POLR2M: variants seen among roughly 807,000 people sequenced by gnomAD.
The protein encoded by POLR2M is protein GRINL1A.
In POLR2M, 30 loss-of-function variants were observed where a neutral mutation model predicts 34.6. That is an observed-to-expected ratio of 0.87 (90% CI 0.65 to 1.18). POLR2M has a LOEUF of 1.18. Among genes scored for constraint, POLR2M ranks in the 50% most tolerant of loss-of-function variants. The pLI is 0.00. For missense variants in POLR2M, 432 were observed against 448.7 expected (o/e 0.96, Z 0.34); for synonymous variants, 150 against 166.7 (o/e 0.90, Z 0.77).
At chr15:57,707,099 A>C in intron 1 of POLR2M, 144 bp downstream of exon 1, 1 of 1,547,758 alleles carries the variant, frequency 6.5e-7, no homozygotes, top group Non-Finnish European at 8.7e-7. Context: ...GGGCGAGTGG[A>C]CGGAGGGCTT....
At position 57,715,625 on chromosome 15, in the gene POLR2M, T is replaced by C. The variant is rs1303769457; in HGVS notation, c.*946T>C. 2.0e-5 allele frequency: 3 copies of C among 151,848 alleles called. No individual in the cohort carries two copies. The highest frequency in any genetic ancestry group is 7.2e-5 in the African/African-American group (3 of 41,414). The allele number at this position is 151,848 out of a possible 1,614,324, so 9.4% of individuals were successfully genotyped here. ...AATTGAATTGTCAGTACTTTACTTT[T>C]TTCCCCCCAAATAGGTATATATAGA... is the stretch of plus-strand genomic sequence containing the variant. On this transcript the variant is annotated 3_prime_UTR_variant, in exon 4 of 4. Transcript: ENST00000299638.
rs2040921099 is a variant in POLR2M, at chr15:57,715,874, G to C, written c.*1195G>C. The stretch of plus-strand genomic sequence containing the variant: ...CAACTTTTTCCTTTCGAAAAAGACT[G>C]TTCACATTTGCTTCCAGGTGTAATT... On this transcript the variant is annotated 3_prime_UTR_variant, in exon 4 of 4. Coordinates refer to ENST00000299638, the MANE Select transcript of POLR2M (RefSeq NM_015532.5). 1 of 152,180 alleles carries C rather than the reference G, an allele frequency of 6.6e-6. No individual in the cohort carries two copies. Among genetic ancestry groups the C allele is most frequent in the Admixed American group, 6.5e-5 (1 of 15,288 alleles). The allele number at this position is 152,180 out of a possible 1,614,324, so 9.4% of individuals were successfully genotyped here. A position where few individuals can be genotyped will look rare whatever the true frequency, so the allele number is the denominator to read the frequency against.
chr15:57,712,306 T>C, intron 3 of POLR2M, 118 bp downstream of exon 3: 1 of 1,203,330 alleles, frequency 8.3e-7, no homozygotes, highest in Non-Finnish European at 1.2e-6. Context: ...TTCCATGAGC[T>C]CAGATCTATG....
chr15:57,707,170 T>G, intron 1 of POLR2M: 2 of 1,497,988 alleles, frequency 1.3e-6, no homozygotes, highest in Non-Finnish European at 1.8e-6. Context: ...ATAGCTCGGA[T>G]TGAACGGCTA....
chr15:57,706,797 G>A lies in POLR2M; in HGVS notation c.-46G>A, dbSNP rs1211105831. On this transcript the variant is annotated 5_prime_UTR_variant, in exon 1 of 4. Coordinates refer to ENST00000299638, the MANE Select transcript of POLR2M (RefSeq NM_015532.5). The stretch of plus-strand genomic sequence containing the variant: ...TCCGGCGCTAGTAGCGGGGCCTGCC[G>A]AGGAAGCCGAGTGCCCGCCGCCGCG... 1.9e-5 allele frequency: 29 copies of A among 1,538,924 alleles called. No individual in the cohort carries two copies. Among genetic ancestry groups the A allele is most frequent in the Non-Finnish European group, 2.5e-5 (29 of 1,138,130 alleles).
intron 1 of POLR2M, among the ~76,000 whole-genome samples, chr15:57,707,728 G>A (rs1595980815): frequency 6.6e-6 from 1 of 152,160 alleles, no homozygotes; most frequent in Non-Finnish European, 1.5e-5. Flanking sequence ...TTTTACTTAG[G>A]GTGTGCAGAG....
rs1254516468 is a variant in POLR2M, at chr15:57,714,513, G to T, written c.964-23G>T. The T allele has an allele frequency of 2.5e-6, 4 of 1,611,428 alleles. No homozygotes were observed. The Admixed American group carries it at 5.1e-5, about 20-fold the overall frequency. On this transcript the variant is annotated intron_variant, in intron 3 of 3. Transcript: ENST00000299638. The stretch of plus-strand genomic sequence containing the variant: ...GGAAGAGATGTGAACGTGTAACTTT[G>T]TGCTTTGCTCTTTGTTTTAAAGGAG...
intron 2 of POLR2M, 30 bp from the exon 3 acceptor site, chr15:57,711,954 A>C: frequency 6.2e-7 from 1 of 1,612,182 alleles, no homozygotes; most frequent in Non-Finnish European, 8.5e-7. Context: ...AAATAATCTG[A>C]TTGTATAACA....
Position 57,708,897 on chromosome 15 carries a change from C to G in POLR2M, c.297C>G (p.Ala99=). The G allele has an allele frequency of 1.2e-6, 2 of 1,613,926 alleles. No homozygotes were observed. Among genetic ancestry groups the G allele is most frequent in the Non-Finnish European group, 1.7e-6 (2 of 1,179,922 alleles). ...AAGTTGATGTGGGTACAGATAAGGC[C>G]CAGAATTCTGACCCGATACTTGATA... ...IAEVDVGTDK[A]QNSDPILDTS... The change falls in exon 2 of 4, where the codon GCC becomes GCG. Residue 99 remains alanine (A), a synonymous_variant. Transcript: ENST00000299638.
Position 57,717,545 on chromosome 15 carries a change from G to A in POLR2M, c.*2866G>A, listed in dbSNP as rs572868492. ...CTCACTTTTGACTTATATAAAAATAGAATAATACTATATGTCGTGTTTGGT... is the reference window on the plus strand; with the variant it reads ...CTCACTTTTGACTTATATAAAAATAAAATAATACTATATGTCGTGTTTGGT... On this transcript the variant is annotated 3_prime_UTR_variant, in exon 4 of 4. Transcript: ENST00000299638. The A allele has an allele frequency of 2.6e-5, 4 of 152,294 alleles. No individual in the cohort carries two copies. In the South Asian group the frequency reaches 6.2e-4, roughly 24 times the overall value. The allele number at this position is 152,294 out of a possible 1,614,324, so 9.4% of individuals were successfully genotyped here. A position where few individuals can be genotyped will look rare whatever the true frequency, so the allele number is the denominator to read the frequency against.
intron 2 of POLR2M, among the ~76,000 whole-genome samples, 192 bp downstream of exon 2, chr15:57,709,550 A>G (rs2040629940): frequency 6.6e-6 from 1 of 152,168 alleles, no homozygotes; most frequent in Admixed American, 6.5e-5. Context: ...TCTCTTAAAT[A>G]AGTCAGGAGA....
chr15:57,710,113 G>C (rs994796935), intron 2 of POLR2M, among the ~76,000 whole-genome samples: 2 of 152,130 alleles, frequency 1.3e-5, no homozygotes, highest in Admixed American at 1.3e-4. Flanking sequence ...GAGGACCCAA[G>C]GTTTACACAC....
In POLR2M at chr15:57,714,384, T is replaced by C. The variant is rs2040860822; in HGVS notation, c.964-152T>C. ...AGAAGCATTACCCAGTTGTGTCTGA[T>C]AGGGCACAGCCATCAGGCTTGTATT... On this transcript the variant is annotated intron_variant, in intron 3 of 3. Transcript: ENST00000299638. 3.8e-6 allele frequency: 5 copies of C among 1,323,136 alleles called. No homozygotes were observed. In the Admixed American group the frequency reaches 1.2e-4, roughly 31 times the overall value. 82.0% of individuals were successfully genotyped at this position (1,323,136 alleles called of 1,614,324 possible).
At chr15:57,711,764 C>G (rs1239623312) in intron 2 of POLR2M, among the ~76,000 whole-genome samples, 1 of 145,188 alleles carries the variant, frequency 6.9e-6, no homozygotes, top group South Asian at 2.3e-4. Flanking sequence ...AAAAAAAACT[C>G]CAGATGAAAT....
chr15:57,714,644 G>A lies in POLR2M; in HGVS notation c.1072G>A (p.Asp358Asn). 1.2e-6 allele frequency: 2 copies of A among 1,612,158 alleles called. No homozygotes were observed. Among genetic ancestry groups the A allele is most frequent in the Non-Finnish European group, 8.5e-7 (1 of 1,179,770 alleles). ...ESSGRYREVRDEDDDWSSDEF is the reference protein window; with the variant it reads ...ESSGRYREVRNEDDDWSSDEF Reference sequence around the variant, plus strand: ...TTCAGGGAGATACCGAGAAGTAAGGGATGAAGATGACGATTGGTCCTCTGA... The same window carrying A: ...TTCAGGGAGATACCGAGAAGTAAGGAATGAAGATGACGATTGGTCCTCTGA... The change falls in exon 4 of 4, where the codon GAT becomes AAT. Residue 358 changes from aspartate (D) to asparagine (N), a missense_variant. Transcript: ENST00000299638.
intron 1 of POLR2M, chr15:57,707,189 T>G: frequency 6.8e-7 from 1 of 1,475,286 alleles, no homozygotes; most frequent in South Asian, 1.4e-5. Context: ...TACCTGGCGT[T>G]GCAGGGAGTT....
intron 1 of POLR2M, chr15:57,707,156 G>C: frequency 6.6e-7 from 1 of 1,519,148 alleles, no homozygotes; most frequent in East Asian, 2.5e-5. Context: ...GTATGCCTGC[G>C]AGGATAGCTC....
rs577777727 is a variant in POLR2M at position 57,709,121 on chromosome 15, G to A, written c.521G>A (p.Arg174Gln). 1.9e-5 allele frequency: 30 copies of A among 1,614,096 alleles called. No individual in the cohort carries two copies. Among genetic ancestry groups the A allele is most frequent in the Admixed American group, 3.3e-5 (2 of 60,000 alleles). Residue 174 changes from arginine (R) to glutamine (Q), a missense_variant, in exon 2 of 4, where the codon CGG becomes CAG. By Grantham distance (43) the Arg-to-Gln change is conservative (BLOSUM62 1). Transcript: ENST00000299638. Reference sequence around the variant, plus strand: ...TCTGAAGCTAGTGAGCATCACCCGCGGCATCGTGTTTCAAGTCAAGCGGAA... The same window carrying A: ...TCTGAAGCTAGTGAGCATCACCCGCAGCATCGTGTTTCAAGTCAAGCGGAA... ...PSSEASEHHPRHRVSSQAEDT... is the reference protein window; with the variant it reads ...PSSEASEHHPQHRVSSQAEDT...
rs1314595355 is a variant in POLR2M, at chr15:57,716,534, A to T, written c.*1855A>T. On this transcript the variant is annotated 3_prime_UTR_variant, in exon 4 of 4. Transcript: ENST00000299638. ...TATCCAATGCTCAGAATTGAAAATTACTACTTAAAATCTTTGCAAATTGAA... is the reference window on the plus strand; with the variant it reads ...TATCCAATGCTCAGAATTGAAAATTTCTACTTAAAATCTTTGCAAATTGAA... 3.3e-5 allele frequency: 5 copies of T among 152,294 alleles called. No homozygotes were observed. In the East Asian group the frequency reaches 9.6e-4, roughly 29 times the overall value. The allele number at this position is 152,294 out of a possible 1,614,324, so 9.4% of individuals were successfully genotyped here. A position where few individuals can be genotyped will look rare whatever the true frequency, so the allele number is the denominator to read the frequency against.
Sources: gnomAD v4.1 joint callset for allele counts (sites outside exome capture counted in the v4.1 genomes callset) on GRCh38, gnomAD v4.1.1 for gene constraint, MANE v1.5 for transcripts, NCBI Gene and HGNC (gene_info 2026-07-23, HGNC 2026-07-21) for gene names.